CDC42SE2: variants seen among roughly 807,000 people sequenced by gnomAD.
CDC42SE2 encodes CDC42 small effector protein 2.
CDC42SE2 carries 3 observed loss-of-function variants against 11.5 expected under a neutral mutation model. The ratio of observed to expected loss-of-function variants is 0.26; its 90% CI spans 0.12 to 0.67. The LOEUF (loss-of-function observed/expected upper bound fraction) is 0.67, where lower values mean the gene tolerates loss of function less well. CDC42SE2 is among the 30% of genes least tolerant of loss of function. CDC42SE2 has a pLI of 0.80. For synonymous variants in CDC42SE2, 33 were observed against 34.8 expected, an observed-to-expected ratio of 0.95 and a Z score of 0.18; for missense variants, 82 against 106.8, an observed-to-expected ratio of 0.77 and a Z score of 1.02.
At chr5:131,272,997 G>T (rs985336012) in intron 1 of CDC42SE2, among the ~76,000 whole-genome samples, 3 of 151,878 alleles carry the variant, frequency 2.0e-5, no homozygotes, top group Non-Finnish European at 4.4e-5. Context: ...AGTTTCTTTT[G>T]TTGGTTCCTT....
At chr5:131,344,171 C>T (rs1758779288) in intron 2 of CDC42SE2, among the ~76,000 whole-genome samples, 1 of 152,188 alleles carries the variant, frequency 6.6e-6, no homozygotes, top group East Asian at 1.9e-4. Context: ...GCTTGTCAGA[C>T]AGTGGGTGCA....
chr5:131,291,090 A>G (rs1561573940), intron 1 of CDC42SE2, among the ~76,000 whole-genome samples: 1 of 152,106 alleles, frequency 6.6e-6, no homozygotes, highest in South Asian at 2.1e-4. Flanking sequence ...TGTAAGTAAG[A>G]TTGTTCTGTG....
At chr5:131,378,118 C>A (rs1750208151) in intron 3 of CDC42SE2, among the ~76,000 whole-genome samples, 1 of 152,160 alleles carries the variant, frequency 6.6e-6, no homozygotes, top group South Asian at 2.1e-4. Flanking sequence ...ATGTTCAGAA[C>A]AGGAAATATC....
At chr5:131,292,917 A>ACAAAC in intron 1 of CDC42SE2, among the ~76,000 whole-genome samples, 1 of 148,806 alleles carries the variant, frequency 6.7e-6, no homozygotes, top group African/African-American at 2.5e-5. Context: ...AAAAAAAAAA[A>ACAAAC]AAAAAAAAAA....
intron 1 of CDC42SE2, among the ~76,000 whole-genome samples, chr5:131,310,159 T>C (rs1283535987): frequency 6.6e-6 from 1 of 151,996 alleles, no homozygotes; most frequent in Non-Finnish European, 1.5e-5. Context: ...TTTGTTCTCG[T>C]TGGTTTCAAA....
In CDC42SE2 at chr5:131,268,589, A is replaced by G. The variant is rs182508907; in HGVS notation, c.-455+4423A>G. 3.1e-3 allele frequency among the ~76,000 whole-genome samples: 472 copies of G among 151,670 alleles called. 3 individuals carry two copies. Among genetic ancestry groups the G allele is most frequent in the Non-Finnish European group, 4.9e-3 (333 of 67,940 alleles). ...TGCCTCAGCCTCCCGAGTAGCTGGG[A>G]TTACAGGCATGCACCACCATGCTCG... On this transcript the variant is annotated intron_variant, in intron 1 of 4. Coordinates refer to ENST00000505065, the MANE Select transcript of CDC42SE2 (RefSeq NM_001375635.1).
intron 3 of CDC42SE2, among the ~76,000 whole-genome samples, chr5:131,379,200 CTGT>C (rs1750243691): frequency 1.3e-5 from 2 of 152,216 alleles, no homozygotes; most frequent in Non-Finnish European, 2.9e-5. Context: ...GCTTTTTTCA[CTGT>C]CCCAGATGGC....
chr5:131,377,416 G>A (rs1163315791), intron 3 of CDC42SE2, among the ~76,000 whole-genome samples: 1 of 152,088 alleles, frequency 6.6e-6, no homozygotes, highest in African/African-American at 2.4e-5. Context: ...CAGTCCGCCC[G>A]CCTCAGCCTC....
chr5:131,388,182 G>C (rs1169198355), intron 4 of CDC42SE2, among the ~76,000 whole-genome samples: 1 of 151,916 alleles, frequency 6.6e-6, no homozygotes, highest in East Asian at 1.9e-4. Flanking sequence ...TTTTAGTAGA[G>C]CGGGGTTTCA....
At chr5:131,342,004 G>A (rs940543061) in intron 2 of CDC42SE2, among the ~76,000 whole-genome samples, 3 of 152,072 alleles carry the variant, frequency 2.0e-5, no homozygotes, top group African/African-American at 7.2e-5. Flanking sequence ...ATACCACGCT[G>A]GGCACGGTGG....
At chr5:131,361,706 T>G (rs574661279) in intron 3 of CDC42SE2, among the ~76,000 whole-genome samples, 18 of 152,228 alleles carry the variant, frequency 1.2e-4, no homozygotes, top group Middle Eastern at 3.4e-3. Context: ...AAAGTTTTAT[T>G]GAGTGGAAGT....
chr5:131,334,383 T>G (rs1241832488), intron 2 of CDC42SE2, among the ~76,000 whole-genome samples: 1 of 152,206 alleles, frequency 6.6e-6, no homozygotes, highest in African/African-American at 2.4e-5. Context: ...TTATTGAGAA[T>G]TTTTGCATCA....
chr5:131,335,373 T>A (rs764639799), intron 2 of CDC42SE2, among the ~76,000 whole-genome samples: 9 of 151,164 alleles, frequency 6.0e-5, no homozygotes, highest in African/African-American at 2.0e-4. Flanking sequence ...TGCTGAGGAG[T>A]GCTTTACTTC....
intron 1 of CDC42SE2, among the ~76,000 whole-genome samples, chr5:131,288,615 A>G (rs557061183): frequency 3.9e-5 from 6 of 152,226 alleles, no homozygotes; most frequent in East Asian, 3.9e-4. Context: ...CTGCCTCAGT[A>G]TCTGAGATAG....
intron 1 of CDC42SE2, among the ~76,000 whole-genome samples, chr5:131,297,225 C>T (rs1418445669): frequency 2.0e-5 from 3 of 148,830 alleles, no homozygotes; most frequent in African/African-American, 7.4e-5. Flanking sequence ...ATCACTTTGA[C>T]CTGAAGATAC....
chr5:131,241,399 A>G (rs1756539897), upstream of CDC42SE2, among the ~76,000 whole-genome samples: 1 of 152,048 alleles, frequency 6.6e-6, no homozygotes, highest in South Asian at 2.1e-4. Context: ...TCCTTATGCT[A>G]TACCTCAGGC....
intron 1 of CDC42SE2, among the ~76,000 whole-genome samples, chr5:131,247,666 T>TA (rs908920420): frequency 7.6e-4 from 115 of 152,254 alleles, no homozygotes; most frequent in African/African-American, 2.3e-3. Flanking sequence ...TTTGTATAGA[T>TA]AGAGTTTCAC....
chr5:131,270,065 A>T (rs538307976), intron 1 of CDC42SE2, among the ~76,000 whole-genome samples: 1 of 150,184 alleles, frequency 6.7e-6, no homozygotes, highest in Non-Finnish European at 1.5e-5. Flanking sequence ...TCTCAAAAAA[A>T]CAAAAAAACA....
chr5:131,315,056 G>A (rs1338069836), intron 1 of CDC42SE2, among the ~76,000 whole-genome samples: 1 of 152,082 alleles, frequency 6.6e-6, no homozygotes, highest in African/African-American at 2.4e-5. Context: ...GAGTATGTGG[G>A]ACTTTATGTT....
Sources: allele counts gnomAD v4.1 joint callset (sites outside exome capture counted in the v4.1 genomes callset), GRCh38; gene constraint gnomAD v4.1.1; transcripts MANE v1.5; gene names NCBI Gene and HGNC (gene_info 2026-07-23, HGNC 2026-07-21).